Variants in RAB21 observed in about 807,000 individuals in gnomAD.
RAB21 encodes the protein ras-related protein Rab-21.
In RAB21, 13 loss-of-function variants were observed where a neutral mutation model predicts 33.1. That is an observed-to-expected ratio of 0.39 (90% CI 0.26 to 0.62). The LOEUF (loss-of-function observed/expected upper bound fraction) is 0.62. Ranked by LOEUF, RAB21 falls within the 20% of genes least tolerant of loss-of-function variation. RAB21 has a pLI of 0.48. For synonymous variants in RAB21, 91 were observed against 103.7 expected (o/e 0.88, Z 0.74); for missense variants, 234 against 279.1 (o/e 0.84, Z 1.15).
chr12:71,760,086 A>G (rs1300628821), intron 1 of RAB21, among the ~76,000 whole-genome samples: 2 of 152,246 alleles, frequency 1.3e-5, no homozygotes, highest in Admixed American at 6.5e-5. Context: ...AATTCAGTCA[A>G]AAAGGGTAAT....
chr12:71,757,142 C>G (rs1253990770), intron 1 of RAB21, among the ~76,000 whole-genome samples: 1 of 152,082 alleles, frequency 6.6e-6, no homozygotes, highest in Non-Finnish European at 1.5e-5. Context: ...TAACTTGAGT[C>G]TTGCCCTGTC....
chr12:71,772,143 C>T (rs979051783), intron 3 of RAB21, among the ~76,000 whole-genome samples: 5 of 152,164 alleles, frequency 3.3e-5, no homozygotes, highest in African/African-American at 1.2e-4. Flanking sequence ...TGGAGTCACT[C>T]ATAGAGCTGC....
chr12:71,795,530 G>T lies in RAB21; in HGVS notation c.*9857G>T. 7.3e-6 allele frequency: 1 copy of T among 136,384 alleles called. No individual in the cohort carries two copies. The highest frequency in any genetic ancestry group is 1.5e-5 in the Non-Finnish European group (1 of 65,752). The allele number at this position is 136,384 out of a possible 1,614,324, so 8.4% of individuals were successfully genotyped here. On this transcript the variant is annotated 3_prime_UTR_variant, in exon 7 of 7. Transcript: ENST00000261263. ...TTAACTAATACCTCTTTCAGAGTTGGGCAAAAGAAGAAAAAAAAAGCCTTT... is the reference window on the plus strand; with the variant it reads ...TTAACTAATACCTCTTTCAGAGTTGTGCAAAAGAAGAAAAAAAAAGCCTTT...
rs1353965752 is a variant in RAB21 at position 71,793,759 on chromosome 12, T to A, written c.*8086T>A. On this transcript the variant is annotated 3_prime_UTR_variant, in exon 7 of 7. Coordinates refer to ENST00000261263, the MANE Select transcript of RAB21 (RefSeq NM_014999.4). The stretch of plus-strand genomic sequence containing the variant: ...GCGAAAGACATAATTTTGGGTGAAC[T>A]TTCTTGAAGATGGTCAGAAAGGGCA... 1 of 152,228 alleles carries A rather than the reference T, an allele frequency of 6.6e-6. No individual in the cohort carries two copies. The highest frequency in any genetic ancestry group is 2.4e-5 in the African/African-American group (1 of 41,468). The allele number at this position is 152,228 out of a possible 1,614,324, so 9.4% of individuals were successfully genotyped here.
chr12:71,777,179 T>C (rs1396832025), intron 4 of RAB21, among the ~76,000 whole-genome samples: 1 of 152,212 alleles, frequency 6.6e-6, no homozygotes, highest in African/African-American at 2.4e-5. Flanking sequence ...CTGAGTTGTG[T>C]TGCTTTTTCA....
In RAB21 at chr12:71,794,480, A is replaced by C. The variant is rs1883438913; in HGVS notation, c.*8807A>C. ...TTGAGACGGAGTCTCGCTCTGTCCC[A>C]GGCCAGAGTGCAGTGGCGCTATCTC... is the stretch of plus-strand genomic sequence containing the variant. On this transcript the variant is annotated 3_prime_UTR_variant, in exon 7 of 7. Transcript: ENST00000261263. The C allele has an allele frequency of 9.2e-6, 1 of 108,380 alleles. No homozygotes were observed. Among genetic ancestry groups the C allele is most frequent in the Admixed American group, 1.4e-4 (1 of 7,376 alleles). The allele number at this position is 108,380 out of a possible 1,614,324, so 6.7% of individuals were successfully genotyped here. A position where few individuals can be genotyped will look rare whatever the true frequency, so the allele number is the denominator to read the frequency against.
chr12:71,755,812 C>T (rs1882777096), intron 1 of RAB21, among the ~76,000 whole-genome samples: 1 of 152,166 alleles, frequency 6.6e-6, no homozygotes, highest in Non-Finnish European at 1.5e-5. Flanking sequence ...CTTGCCTAGG[C>T]GTGTTACGCA....
intron 1 of RAB21, among the ~76,000 whole-genome samples, chr12:71,769,293 G>A (rs1883006343): frequency 1.3e-5 from 2 of 152,164 alleles, no homozygotes; most frequent in Admixed American, 1.3e-4. Flanking sequence ...CTCTAGTAGA[G>A]TATAAAGGGT....
intron 4 of RAB21, among the ~76,000 whole-genome samples, chr12:71,780,885 T>C (rs952607812): frequency 1.3e-5 from 2 of 152,220 alleles, no homozygotes; most frequent in Admixed American, 1.3e-4. Context: ...CTAAAAGCCA[T>C]AGTAGAAGAA....
intron 2 of RAB21, among the ~76,000 whole-genome samples, chr12:71,770,273 C>T (rs535494841): frequency 8.5e-5 from 13 of 152,308 alleles, no homozygotes; most frequent in Middle Eastern, 3.4e-3. Context: ...GAGCCTATTC[C>T]TGGCTTATAA....
intron 1 of RAB21, among the ~76,000 whole-genome samples, chr12:71,758,101 C>T (rs566206466): frequency 2.6e-5 from 4 of 151,666 alleles, no homozygotes; most frequent in African/African-American, 7.3e-5. Flanking sequence ...GGTGCGATCT[C>T]GGCTCATTGC....
Position 71,798,105 on chromosome 12 carries a change from A to G in RAB21, c.*12432A>G, listed in dbSNP as rs1468928142. 6.6e-6 allele frequency: 1 copy of G among 152,160 alleles called. No homozygotes were observed. The highest frequency in any genetic ancestry group is 2.4e-5 in the African/African-American group (1 of 41,438). The allele number at this position is 152,160 out of a possible 1,614,324, so 9.4% of individuals were successfully genotyped here. On this transcript the variant is annotated 3_prime_UTR_variant, in exon 7 of 7. Transcript: ENST00000261263. ...ACAATAAATTATTATTATTTTTGAG[A>G]TGGAGTCTCACTCTATTGCCCAGGC...
At chr12:71,768,233 A>T (rs1882989519) in intron 1 of RAB21, among the ~76,000 whole-genome samples, 1 of 152,156 alleles carries the variant, frequency 6.6e-6, no homozygotes, top group Admixed American at 6.6e-5. Context: ...TAATCACTAC[A>T]TCCAGTGGCC....
At position 71,755,408 on chromosome 12, in the gene RAB21, G is replaced by A; in HGVS notation, c.159+120G>A. The A allele has an allele frequency of 6.6e-6, 8 of 1,214,470 alleles. No individual in the cohort carries two copies. The South Asian group carries it at 6.9e-5, about 10-fold the overall frequency. The allele number at this position is 1,214,470 out of a possible 1,614,324, so 75.2% of individuals were successfully genotyped here. On this transcript the variant is annotated intron_variant, in intron 1 of 6. Coordinates refer to ENST00000261263, the MANE Select transcript of RAB21 (RefSeq NM_014999.4). ...GGCAAATCTCAGGCCTGTCATCTCC[G>A]CCTTCGGTTTACCTTTCCGAATTCG... is the stretch of plus-strand genomic sequence containing the variant.
chr12:71,770,302 G>T (rs1883023714), intron 2 of RAB21, among the ~76,000 whole-genome samples: 1 of 152,128 alleles, frequency 6.6e-6, no homozygotes, highest in Non-Finnish European at 1.5e-5. Flanking sequence ...TGGTTGTTTT[G>T]ACCCTCTGGC....
intron 6 of RAB21, among the ~76,000 whole-genome samples, chr12:71,784,864 AT>A (rs1297729401): frequency 6.6e-6 from 1 of 152,074 alleles, no homozygotes; most frequent in Admixed American, 6.6e-5. Flanking sequence ...GGCCAAGGCC[AT>A]AGGATCACTT....
chr12:71,789,581 G>C lies in RAB21; in HGVS notation c.*3908G>C, dbSNP rs1012377074. The C allele has an allele frequency of 6.6e-6, 1 of 152,088 alleles. No homozygotes were observed. 9.4% of individuals were successfully genotyped at this position (152,088 alleles called of 1,614,324 possible). ...CTGATATTTTCTGGAAAAGGATATA[G>C]ATAGTAGTAGTGACCCGCAGGAGCC... is the stretch of plus-strand genomic sequence containing the variant. On this transcript the variant is annotated 3_prime_UTR_variant, in exon 7 of 7. Coordinates refer to ENST00000261263, the MANE Select transcript of RAB21 (RefSeq NM_014999.4).
chr12:71,782,484 C>T (rs979398630), intron 5 of RAB21, 86 bp from the exon 6 acceptor site: 20 of 840,512 alleles, frequency 2.4e-5, no homozygotes, highest in African/African-American at 7.0e-5. Context: ...ATTAATATGT[C>T]ACTAAAACTG....
chr12:71,784,682 A>G (rs148450744), intron 6 of RAB21, among the ~76,000 whole-genome samples: 5 of 152,166 alleles, frequency 3.3e-5, no homozygotes, highest in Admixed American at 6.5e-5. Context: ...TATTTCTCCT[A>G]TCATTGTCTC....
Sources: gnomAD v4.1 joint callset for allele counts (sites outside exome capture counted in the v4.1 genomes callset) on GRCh38, gnomAD v4.1.1 for gene constraint, MANE v1.5 for transcripts, NCBI Gene and HGNC (gene_info 2026-07-23, HGNC 2026-07-21) for gene names.